The following TAFA1 variants were observed in gnomAD, a reference collection of about 807,000 sequenced individuals.
The protein encoded by TAFA1 is chemokine-like protein TAFA-1.
Under a neutral mutation model 18.5 loss-of-function variants are expected in TAFA1, and 4 were observed. The observed-to-expected ratio is 0.22, with a 90% CI of 0.11 to 0.49. The LOEUF is 0.49. TAFA1 is among the 20% of genes least tolerant of loss of function. The pLI is 0.98. For synonymous variants in TAFA1, 56 were observed against 55.2 expected (o/e 1.01, Z -0.06); for missense variants, 147 against 169.0 (o/e 0.87, Z 0.72).
At chr3:68,450,525 C>T (rs1182828871) in intron 3 of TAFA1, among the ~76,000 whole-genome samples, 1 of 152,118 alleles carries the variant, frequency 6.6e-6, no homozygotes, top group African/African-American at 2.4e-5. Context: ...TGGGCAGGTG[C>T]CCAGGCAACA....
At chr3:68,034,927 GC>G (rs1705013601) in intron 2 of TAFA1, among the ~76,000 whole-genome samples, 1 of 152,076 alleles carries the variant, frequency 6.6e-6, no homozygotes, top group Non-Finnish European at 1.5e-5. Flanking sequence ...ATATAGTGGT[GC>G]CCAGTTGGGT....
At chr3:68,228,577 GA>G (rs985232927) in intron 2 of TAFA1, among the ~76,000 whole-genome samples, 1 of 152,084 alleles carries the variant, frequency 6.6e-6, no homozygotes, top group Admixed American at 6.6e-5. Context: ...CTTAGTTATT[GA>G]TTTTCTTACT....
chr3:68,332,341 C>T (rs187658107), intron 2 of TAFA1, among the ~76,000 whole-genome samples: 60 of 152,004 alleles, frequency 3.9e-4, no homozygotes, highest in African/African-American at 1.3e-3. Context: ...AAAATCTTCA[C>T]GGCATTTGTT....
Position 68,080,613 on chromosome 3 carries a change from C to A in TAFA1, c.118+73869C>A, listed in dbSNP as rs568018658. Reference sequence around the variant, plus strand: ...GATATGAAATTCTGGGTTGAAAATTCTTTTCTTTAAGAATGTTGAATATTG... The same window carrying A: ...GATATGAAATTCTGGGTTGAAAATTATTTTCTTTAAGAATGTTGAATATTG... On this transcript the variant is annotated intron_variant, in intron 2 of 4. Coordinates refer to ENST00000478136, the MANE Select transcript of TAFA1 (RefSeq NM_213609.4). 3.1e-3 allele frequency among the ~76,000 whole-genome samples: 472 copies of A among 152,226 alleles called. 2 individuals are homozygous for A. The highest frequency in any genetic ancestry group is 0.011 in the African/African-American group (445 of 41,532).
At chr3:68,027,845 A>G (rs189804013) in intron 2 of TAFA1, among the ~76,000 whole-genome samples, 94 of 152,316 alleles carry the variant, frequency 6.2e-4, no homozygotes, top group African/African-American at 2.2e-3. Context: ...AACACTTAAT[A>G]AATTAATTCC....
rs144113726 is a variant in TAFA1 at position 68,294,213 on chromosome 3, C to T, written c.119-123067C>T. ...AAGGAATCGAAAGGACAGTGTAATT[C>T]CGAACAACACTGCCCAATATAAGTA... is the stretch of plus-strand genomic sequence containing the variant. On this transcript the variant is annotated intron_variant, in intron 2 of 4. Transcript: ENST00000478136. 9.4e-3 allele frequency among the ~76,000 whole-genome samples: 1,429 copies of T among 152,254 alleles called. 12 individuals are homozygous for T. Among genetic ancestry groups the T allele is most frequent in the Non-Finnish European group, 0.015 (1,050 of 68,024 alleles).
At chr3:68,076,146 A>G (rs1191422282) in intron 2 of TAFA1, among the ~76,000 whole-genome samples, 2 of 152,342 alleles carry the variant, frequency 1.3e-5, no homozygotes, top group African/African-American at 4.8e-5. Context: ...TTGAATGGAA[A>G]GGCAAAGACC....
chr3:68,177,304 G>T (rs1311146016), intron 2 of TAFA1, among the ~76,000 whole-genome samples: 1 of 152,180 alleles, frequency 6.6e-6, no homozygotes. Context: ...GATCAGAGAA[G>T]TTTAGAACCA....
At chr3:68,401,051 G>C (rs17047630) in intron 2 of TAFA1, among the ~76,000 whole-genome samples, 1 of 152,048 alleles carries the variant, frequency 6.6e-6, no homozygotes, top group African/African-American at 2.4e-5. Flanking sequence ...GGGATAAGCC[G>C]ATCAGTGAAA....
intron 2 of TAFA1, among the ~76,000 whole-genome samples, chr3:68,346,628 A>G (rs189279578): frequency 6.6e-6 from 1 of 152,320 alleles, no homozygotes; most frequent in Admixed American, 6.5e-5. Context: ...AATGACTGCT[A>G]ACATTTTTGA....
intron 2 of TAFA1, among the ~76,000 whole-genome samples, chr3:68,306,480 T>C (rs1026263786): frequency 2.6e-5 from 4 of 151,874 alleles, no homozygotes; most frequent in African/African-American, 9.7e-5. Flanking sequence ...AATATTCTTT[T>C]TAAACTCACA....
chr3:68,222,345 T>C (rs192210913), intron 2 of TAFA1, among the ~76,000 whole-genome samples: 224 of 152,318 alleles, frequency 1.5e-3, no homozygotes, highest in Non-Finnish European at 2.7e-3. Flanking sequence ...TATATCTTTA[T>C]TTGCAGAGTT....
intron 2 of TAFA1, among the ~76,000 whole-genome samples, chr3:68,071,091 C>T (rs1444754990): frequency 2.0e-5 from 3 of 152,196 alleles, no homozygotes; most frequent in African/African-American, 7.2e-5. Context: ...TTCTCCTGGT[C>T]CCAATTTACT....
At chr3:68,336,594 T>A (rs2068972598) in intron 2 of TAFA1, among the ~76,000 whole-genome samples, 1 of 152,236 alleles carries the variant, frequency 6.6e-6, no homozygotes, top group Admixed American at 6.5e-5. Context: ...AACTATCTGC[T>A]TGAAAGGTAT....
intron 2 of TAFA1, among the ~76,000 whole-genome samples, chr3:68,248,367 T>G (rs2067125472): frequency 6.6e-6 from 1 of 152,020 alleles, no homozygotes. Flanking sequence ...AGCTATATAA[T>G]TGTAGATCAT....
intron 2 of TAFA1, among the ~76,000 whole-genome samples, chr3:68,256,981 C>T (rs186555992): frequency 1.3e-5 from 2 of 152,202 alleles, no homozygotes; most frequent in African/African-American, 4.8e-5. Flanking sequence ...TGGCATCACT[C>T]ATTAGTTGGA....
intron 4 of TAFA1, among the ~76,000 whole-genome samples, chr3:68,539,750 G>T (rs1455805455): frequency 7.2e-6 from 1 of 139,366 alleles, no homozygotes; most frequent in African/African-American, 2.7e-5. Context: ...GCCTGTGTGT[G>T]TTTTAATTTA....
At chr3:68,437,842 T>A (rs917565630) in intron 3 of TAFA1, among the ~76,000 whole-genome samples, 3 of 152,126 alleles carry the variant, frequency 2.0e-5, no homozygotes, top group Non-Finnish European at 4.4e-5. Flanking sequence ...CATACAAATA[T>A]ATTCATTTCA....
intron 3 of TAFA1, among the ~76,000 whole-genome samples, chr3:68,442,444 A>G (rs1257386356): frequency 6.6e-6 from 1 of 152,104 alleles, no homozygotes; most frequent in Admixed American, 6.6e-5. Flanking sequence ...AGGGCAGAGC[A>G]CTCATGTGAC....
Sources: allele counts gnomAD v4.1 joint callset (sites outside exome capture counted in the v4.1 genomes callset), GRCh38; gene constraint gnomAD v4.1.1; transcripts MANE v1.5; gene names NCBI Gene and HGNC (gene_info 2026-07-23, HGNC 2026-07-21).